Variants in SHISA6 observed in about 807,000 individuals in gnomAD.
The protein encoded by SHISA6 is shisa family member 6.
SHISA6 carries 22 observed loss-of-function variants against 47.9 expected under a neutral mutation model. The observed-to-expected ratio is 0.46, with a 90% CI of 0.33 to 0.66. The LOEUF (loss-of-function observed/expected upper bound fraction) is 0.66. Among genes scored for constraint, SHISA6 ranks in the 30% least tolerant of loss-of-function variants. SHISA6 has a pLI of 0.02. For synonymous variants in SHISA6, 388 were observed against 337.8 expected (o/e 1.15, Z -1.63); for missense variants, 680 against 764.6 (o/e 0.89, Z 1.30).
intron 2 of SHISA6, among the ~76,000 whole-genome samples, chr17:11,287,371 CT>C (rs1909345715): frequency 6.6e-6 from 1 of 151,794 alleles, no homozygotes; most frequent in African/African-American, 2.4e-5. Flanking sequence ...TGAGATTGTA[CT>C]TTATACAATA....
At chr17:11,543,829 T>C (rs1490548980) in intron 3 of SHISA6, among the ~76,000 whole-genome samples, 1 of 149,342 alleles carries the variant, frequency 6.7e-6, no homozygotes, top group African/African-American at 2.5e-5. Flanking sequence ...ACTGATTTTT[T>C]GAAAAAGGTG....
At chr17:11,345,715 T>G (rs1911681927) in intron 2 of SHISA6, among the ~76,000 whole-genome samples, 1 of 152,144 alleles carries the variant, frequency 6.6e-6, no homozygotes. Context: ...GATATTTTAT[T>G]TCTGATGCTA....
At chr17:11,277,318 A>ACACACACACACACCC (rs1389004430) in intron 2 of SHISA6, among the ~76,000 whole-genome samples, 2 of 127,988 alleles carry the variant, frequency 1.6e-5, no homozygotes, top group African/African-American at 6.2e-5. Context: ...ACACACACAC[A>ACACACACACACACCC]CCCCGCATGT....
At chr17:11,353,676 G>A (rs2142223061) in intron 2 of SHISA6, among the ~76,000 whole-genome samples, 1 of 152,270 alleles carries the variant, frequency 6.6e-6, no homozygotes, top group East Asian at 1.9e-4. Flanking sequence ...CATCATGGAT[G>A]TGTGTGCTCA....
At chr17:11,304,065 C>G (rs887939281) in intron 2 of SHISA6, among the ~76,000 whole-genome samples, 1 of 152,210 alleles carries the variant, frequency 6.6e-6, no homozygotes, top group African/African-American at 2.4e-5. Flanking sequence ...TCAGGAAGGC[C>G]TTCTAGGATA....
At chr17:11,297,643 G>A (rs1909796088) in intron 2 of SHISA6, among the ~76,000 whole-genome samples, 1 of 152,196 alleles carries the variant, frequency 6.6e-6, no homozygotes, top group Admixed American at 6.5e-5. Flanking sequence ...CTACAAAGGA[G>A]ACTGGGCAAT....
intron 2 of SHISA6, among the ~76,000 whole-genome samples, chr17:11,263,906 A>G (rs369707611): frequency 2.0e-5 from 3 of 152,214 alleles, no homozygotes; most frequent in South Asian, 4.1e-4. Flanking sequence ...ACTGTACCCC[A>G]ATGTAGAGCC....
chr17:11,277,274 TCTCTCTCACA>T (rs1170515153), intron 2 of SHISA6, among the ~76,000 whole-genome samples: 10 of 64,754 alleles, frequency 1.5e-4, no homozygotes, highest in East Asian at 2.2e-3. Context: ...TCTCTCTCTC[TCTCTCTCACA>T]CACACACACA....
intron 3 of SHISA6, among the ~76,000 whole-genome samples, chr17:11,395,729 G>A (rs986874535): frequency 2.0e-5 from 3 of 151,670 alleles, no homozygotes; most frequent in Admixed American, 1.3e-4. Context: ...TGTTGGCCAC[G>A]CTGGTCTCGA....
chr17:11,328,177 A>G (rs1910973647), intron 2 of SHISA6, among the ~76,000 whole-genome samples: 1 of 152,180 alleles, frequency 6.6e-6, no homozygotes, highest in South Asian at 2.1e-4. Context: ...TGAGTACAGC[A>G]TATTGGGTAG....
chr17:11,331,645 C>T (rs1911118357), intron 2 of SHISA6, among the ~76,000 whole-genome samples: 1 of 152,160 alleles, frequency 6.6e-6, no homozygotes, highest in South Asian at 2.1e-4. Context: ...ACTCCACACT[C>T]CCTTTGCTCT....
intron 3 of SHISA6, among the ~76,000 whole-genome samples, chr17:11,444,716 G>A (rs922436303): frequency 1.3e-5 from 2 of 152,186 alleles, no homozygotes; most frequent in Non-Finnish European, 2.9e-5. Flanking sequence ...AGGAAAGAAG[G>A]AACCGAGATT....
At chr17:11,384,918 G>T (rs1343620819) in intron 3 of SHISA6, among the ~76,000 whole-genome samples, 1 of 152,216 alleles carries the variant, frequency 6.6e-6, no homozygotes, top group Non-Finnish European at 1.5e-5. Flanking sequence ...TCGCTCTGTT[G>T]TAGGAGCGAT....
At chr17:11,270,551 G>A (rs1908600354) in intron 2 of SHISA6, among the ~76,000 whole-genome samples, 2 of 152,286 alleles carry the variant, frequency 1.3e-5, no homozygotes, top group African/African-American at 2.4e-5. Context: ...GGGCCAGATC[G>A]TCAATATTTT....
At chr17:11,453,281 A>G (rs908013671) in intron 3 of SHISA6, among the ~76,000 whole-genome samples, 9 of 152,156 alleles carry the variant, frequency 5.9e-5, no homozygotes, top group African/African-American at 2.2e-4. Context: ...CAGAACAGAC[A>G]CTTGGTAGAA....
intron 3 of SHISA6, among the ~76,000 whole-genome samples, chr17:11,496,340 G>A (rs922906976): frequency 1.3e-5 from 2 of 152,200 alleles, no homozygotes; most frequent in African/African-American, 4.8e-5. Flanking sequence ...CTGCCATCTT[G>A]ATTAAAATTT....
At chr17:11,361,724 A>T (rs553665658) in intron 2 of SHISA6, among the ~76,000 whole-genome samples, 1 of 152,214 alleles carries the variant, frequency 6.6e-6, no homozygotes, top group African/African-American at 2.4e-5. Flanking sequence ...GAATATGGGT[A>T]TTTGTTAATT....
intron 3 of SHISA6, among the ~76,000 whole-genome samples, chr17:11,428,164 T>C (rs578252518): frequency 6.6e-6 from 1 of 152,346 alleles, no homozygotes; most frequent in East Asian, 1.9e-4. Context: ...ACAGCAACGC[T>C]GAACACAGAG....
intron 3 of SHISA6, among the ~76,000 whole-genome samples, chr17:11,426,509 G>A (rs17514207): frequency 0.039 from 6,003 of 152,292 alleles, 125 homozygotes; most frequent in Middle Eastern, 0.058. Context: ...GATGGGTGCA[G>A]TACACACCTA....
Sources: gnomAD v4.1 joint callset for allele counts (sites outside exome capture counted in the v4.1 genomes callset) on GRCh38, gnomAD v4.1.1 for gene constraint, MANE v1.5 for transcripts, NCBI Gene and HGNC (gene_info 2026-07-23, HGNC 2026-07-21) for gene names.